Variants in PLCB2 observed in about 807,000 individuals in gnomAD.
PLCB2 encodes 1-phosphatidylinositol 4,5-bisphosphate phosphodiesterase beta-2.
In PLCB2, 115 loss-of-function variants were observed where a neutral mutation model predicts 141.7. The ratio of observed to expected loss-of-function variants is 0.81; its 90% CI spans 0.70 to 0.95. PLCB2 has a LOEUF of 0.95. Ranked by LOEUF, PLCB2 falls within the 40% of genes least tolerant of loss-of-function variation. PLCB2 has a pLI of 0.00. For synonymous variants in PLCB2, 603 were observed against 595.6 expected (o/e 1.01, Z -0.18); for missense variants, 1,403 against 1,541.1 (o/e 0.91, Z 1.50).
chr15:40,291,239 G>T (rs1452213556), intron 26 of PLCB2, 26 bp downstream of exon 26: 2 of 1,573,568 alleles, frequency 1.3e-6, no homozygotes, highest in African/African-American at 2.7e-5. Flanking sequence ...GCGCTGCAGA[G>T]GGCAGGGCAC....
rs555412173 is a variant in PLCB2, at chr15:40,297,802, G to A, written c.1238+75C>T. ...TAGGCAATGGTTAGAGGCTGGGGCA[G>A]TTGTGGGGAGGACAGTTGCAGACAG... On this transcript the variant is annotated intron_variant, in intron 12 of 31. Transcript: ENST00000260402. This position sits in a 1 kb window ranked among gnomAD's most constrained non-coding sequence, Gnocchi z 4.2. 18 of 1,217,110 alleles carry A rather than the reference G, an allele frequency of 1.5e-5. No homozygotes were observed. Among genetic ancestry groups the A allele is most frequent in the Non-Finnish European group, 1.8e-5 (15 of 824,524 alleles). 75.4% of individuals were successfully genotyped at this position (1,217,110 alleles called of 1,614,324 possible). A position where few individuals can be genotyped will look rare whatever the true frequency, so the allele number is the denominator to read the frequency against.
intron 15 of PLCB2, 47 bp from the exon 16 acceptor site, chr15:40,296,439 C>T: frequency 4.3e-6 from 7 of 1,613,420 alleles, no homozygotes; most frequent in Non-Finnish European, 5.9e-6. Context: ...GGTGCAGAGC[C>T]CAGGAATGGG....
In PLCB2 at chr15:40,302,124, T is replaced by TG; in HGVS notation, c.506+11dup. 1 of 1,611,812 alleles carries TG rather than the reference T, an allele frequency of 6.2e-7. No individual in the cohort carries two copies. The highest frequency in any genetic ancestry group is 8.5e-7 in the Non-Finnish European group (1 of 1,178,612). On this transcript the variant is annotated intron_variant, in intron 6 of 31. Transcript: ENST00000260402. ...AGCCCCTGGAAGCCTGGGGAGGGGT[T>TG]GGGGGGCTCACTTCTTCACCGGAAT...
At chr15:40,286,259 C>T (rs2039609558), downstream of PLCB2, among the ~76,000 whole-genome samples, 1 of 152,102 alleles carries the variant, frequency 6.6e-6, no homozygotes, top group Non-Finnish European at 1.5e-5. Context: ...CCCTCCTGTC[C>T]CACCTGCTGG....
rs775477491 is a variant in PLCB2 at position 40,298,396 on chromosome 15, G to C, written c.998-16C>G. 1 of 1,576,710 alleles carries C rather than the reference G, an allele frequency of 6.3e-7. No homozygotes were observed. The highest frequency in any genetic ancestry group is 1.3e-5 in the African/African-American group (1 of 74,404). The stretch of plus-strand genomic sequence containing the variant: ...AACTGGCCGGCTGAGCCAGAGGATG[G>C]GGAAGAGGTGAGGGCATCACCCAAA... On this transcript the variant is annotated splice_polypyrimidine_tract_variant and intron_variant, in intron 10 of 31. Transcript: ENST00000260402.
chr15:40,294,660 T>C (rs908393730), intron 18 of PLCB2, among the ~76,000 whole-genome samples: 2 of 152,034 alleles, frequency 1.3e-5, no homozygotes, highest in African/African-American at 4.8e-5. Flanking sequence ...TGGTGGGAGC[T>C]GGGGCAGCTG....
At chr15:40,288,946 G>A (rs1373275033) in intron 31 of PLCB2, 28 bp from the exon 32 acceptor site, 1 of 1,607,850 alleles carries the variant, frequency 6.2e-7, no homozygotes. Context: ...ACCCCTGCCT[G>A]GCTCAGGAGG....
intron 19 of PLCB2, 95 bp from the exon 20 acceptor site, chr15:40,293,819 C>T (rs960165145): frequency 6.3e-6 from 8 of 1,270,052 alleles, no homozygotes; most frequent in Non-Finnish European, 8.9e-6. Context: ...CTGAAGCATT[C>T]GTTCTTGGGT....
rs76976021 is a variant in PLCB2 at position 40,289,207 on chromosome 15, C to T, written c.3354+65G>A. On this transcript the variant is annotated intron_variant, in intron 31 of 31. Coordinates refer to ENST00000260402, the MANE Select transcript of PLCB2 (RefSeq NM_004573.3). Reference sequence around the variant, plus strand: ...CCCTCTCACTGGCAGCTCCCTGGGGCAAGGCCCCTTTACAACCCGGAACCC... The same window carrying T: ...CCCTCTCACTGGCAGCTCCCTGGGGTAAGGCCCCTTTACAACCCGGAACCC... The T allele has an allele frequency of 7.7e-4, 1,092 of 1,419,290 alleles. 11 individuals are homozygous for T. In the East Asian group the frequency reaches 0.02, roughly 26 times the overall value. 87.9% of individuals were successfully genotyped at this position (1,419,290 alleles called of 1,614,324 possible).
At chr15:40,296,218 T>C (rs2040203144) in intron 16 of PLCB2, 78 bp downstream of exon 16, 2 of 1,120,810 alleles carry the variant, frequency 1.8e-6, no homozygotes, top group Non-Finnish European at 2.6e-6. Context: ...TGGATATTTA[T>C]AGGCAGGGCC....
intron 30 of PLCB2, chr15:40,289,641 C>G: frequency 1.9e-6 from 1 of 530,370 alleles, no homozygotes. Flanking sequence ...AGGGGAGCTT[C>G]AGGTCCATTA....
Position 40,288,369 on chromosome 15 carries a change from T to C in PLCB2, c.*346A>G. On this transcript the variant is annotated 3_prime_UTR_variant, in exon 32 of 32. Transcript: ENST00000260402. Reference sequence around the variant, plus strand: ...CAGGTGAGGAAACTGAGCCCAGAGCTGGTTGCTCAATAGGAAAGGCAGAGT... The same window carrying C: ...CAGGTGAGGAAACTGAGCCCAGAGCCGGTTGCTCAATAGGAAAGGCAGAGT... 9.6e-7 allele frequency: 1 copy of C among 1,040,834 alleles called. No homozygotes were observed. The highest frequency in any genetic ancestry group is 1.2e-6 in the Non-Finnish European group (1 of 865,408). The allele number at this position is 1,040,834 out of a possible 1,614,324, so 64.5% of individuals were successfully genotyped here. A position where few individuals can be genotyped will look rare whatever the true frequency, so the allele number is the denominator to read the frequency against.
rs750943582 is a variant in PLCB2, at chr15:40,303,361, G to A, written c.163-5C>T. On this transcript the variant is annotated splice_region_variant and splice_polypyrimidine_tract_variant and intron_variant, in intron 2 of 31. Coordinates refer to ENST00000260402, the MANE Select transcript of PLCB2 (RefSeq NM_004573.3). ...GATATCCAGAAACTCCATCTCCTGGGGGCAGGGTGCGGATCCCGGTGGGAG... is the reference window on the plus strand; with the variant it reads ...GATATCCAGAAACTCCATCTCCTGGAGGCAGGGTGCGGATCCCGGTGGGAG... The A allele has an allele frequency of 6.3e-5, 102 of 1,611,856 alleles. No individual in the cohort carries two copies. The highest frequency in any genetic ancestry group is 8.7e-5 in the Non-Finnish European group (102 of 1,178,088).
intron 2 of PLCB2, 97 bp from the exon 3 acceptor site, chr15:40,303,453 A>C: frequency 1.2e-6 from 1 of 861,812 alleles, no homozygotes. Flanking sequence ...GAGCTTCCAC[A>C]CCCTTCAAAT....
At chr15:40,305,381 A>G (rs995907482) in intron 1 of PLCB2, among the ~76,000 whole-genome samples, 1 of 151,838 alleles carries the variant, frequency 6.6e-6, no homozygotes, top group Non-Finnish European at 1.5e-5. Flanking sequence ...GTGATCCTTG[A>G]AGTTGTAGGC....
chr15:40,290,085 G>A lies in PLCB2; in HGVS notation c.3210-3C>T, dbSNP rs745675633. ...AGTTGTTAATCTCTCTCTTCAACCT[G>A]TTGGTGTAATTGGAGTTTTAGAAAA... On this transcript the variant is annotated splice_polypyrimidine_tract_variant and splice_region_variant and intron_variant, in intron 29 of 31. Coordinates refer to ENST00000260402, the MANE Select transcript of PLCB2 (RefSeq NM_004573.3). 1.7e-5 allele frequency: 27 copies of A among 1,602,030 alleles called. No homozygotes were observed. The highest frequency in any genetic ancestry group is 2.3e-5 in the Non-Finnish European group (27 of 1,169,170).
chr15:40,291,930 T>C lies in PLCB2; in HGVS notation c.2527-6A>G. On this transcript the variant is annotated splice_region_variant and splice_polypyrimidine_tract_variant and intron_variant, in intron 23 of 31. Transcript: ENST00000260402. ...CTCGCCAGTGGGAAGGGCTTCTGTG[T>C]AGGGAGAGCAGGTCAGGAAGGTGGC... The C allele has an allele frequency of 1.2e-6, 2 of 1,614,048 alleles. No individual in the cohort carries two copies. Among genetic ancestry groups the C allele is most frequent in the Non-Finnish European group, 1.7e-6 (2 of 1,179,960 alleles).
intron 7 of PLCB2, chr15:40,300,730 A>G (rs2040459454): frequency 6.6e-6 from 1 of 152,246 alleles, no homozygotes; most frequent in Non-Finnish European, 1.5e-5. Flanking sequence ...AGAAATGAAA[A>G]GTACATTTGT....
rs1484443172 is a variant in PLCB2 at position 40,298,666 on chromosome 15, G to T, written c.893C>A (p.Pro298Gln). The change falls in exon 10 of 32, where the codon CCA becomes CAA. Residue 298 changes from proline (P) to glutamine (Q), a missense_variant. By Grantham distance (76) the Pro-to-Gln change is moderately conservative. Around this residue, in one of 4 missense-constraint regions of PLCB2, gnomAD observed 975 missense variants for 1,141.1 expected, o/e 0.85. Transcript: ENST00000260402. ...GTCCTGGGCCAGCACGCTGTTCTCT[G>T]GCCCACAGAGAAACCAGACCATGCC... is the stretch of plus-strand genomic sequence containing the variant. Reference protein sequence around the residue: ...PEGMVWFLCGPENSVLAQDKL... With the variant: ...PEGMVWFLCGQENSVLAQDKL... 1 of 1,614,060 alleles carries T rather than the reference G, an allele frequency of 6.2e-7. No homozygotes were observed. The highest frequency in any genetic ancestry group is 1.3e-5 in the African/African-American group (1 of 74,918).
Sources: allele counts gnomAD v4.1 joint callset (sites outside exome capture counted in the v4.1 genomes callset), GRCh38; gene constraint gnomAD v4.1.1; regional missense constraint gnomAD v4.1.1; non-coding constraint Gnocchi (gnomAD v3.1); transcripts MANE v1.5; gene names NCBI Gene and HGNC (gene_info 2026-07-23, HGNC 2026-07-21).